Variants in KIRREL3 observed in about 807,000 individuals in gnomAD.
KIRREL3 encodes kin of IRRE-like protein 3.
In KIRREL3, 36 loss-of-function variants were observed where a neutral mutation model predicts 89.7. The observed-to-expected ratio is 0.40, with a 90% CI of 0.31 to 0.53. The LOEUF is 0.53. Ranked by LOEUF, KIRREL3 falls within the 20% of genes least tolerant of loss-of-function variation. The pLI is 0.49. For synonymous variants in KIRREL3, 445 were observed against 441.4 expected, an observed-to-expected ratio of 1.01 and a Z score of -0.10; for missense variants, 864 against 1,056.6, an observed-to-expected ratio of 0.82 and a Z score of 2.53.
At chr11:126,721,006 C>A (rs898605646) in intron 1 of KIRREL3, among the ~76,000 whole-genome samples, 1 of 152,144 alleles carries the variant, frequency 6.6e-6, no homozygotes, top group Non-Finnish European at 1.5e-5. Flanking sequence ...AGGGAAGAAG[C>A]TAATTGGGCA....
chr11:126,613,893 T>TTTTTTTTTTTTTTTTTTTTTG (rs371748740), intron 1 of KIRREL3, among the ~76,000 whole-genome samples: 12 of 118,644 alleles, frequency 1.0e-4, no homozygotes, highest in South Asian at 2.5e-4. Context: ...TTTTTTTTTT[T>TTTTTTTTTTTTTTTTTTTTTG]ATTTTTTTCC....
chr11:126,621,494 G>A (rs900279722), intron 1 of KIRREL3, among the ~76,000 whole-genome samples: 1 of 152,214 alleles, frequency 6.6e-6, no homozygotes, highest in African/African-American at 2.4e-5. Context: ...TATCTTAAAA[G>A]CGTGTGAGAG....
Position 126,955,415 on chromosome 11 carries a change from C to T in KIRREL3, c.55+45040G>A, listed in dbSNP as rs932853134. 6.6e-6 allele frequency among the ~76,000 whole-genome samples: 1 copy of T among 152,168 alleles called. No homozygotes were observed. The highest frequency in any genetic ancestry group is 1.5e-5 in the Non-Finnish European group (1 of 68,034). ...CATTAACAGATTTACTCACCCAAGC[C>T]AAGGAAAGTGCTTTGGAAGAAATGC... On this transcript the variant is annotated intron_variant, in intron 1 of 16. Transcript: ENST00000525144. The surrounding 1 kb of genome is among the most constrained non-coding windows in gnomAD (Gnocchi z 4.6).
chr11:126,465,172 G>A (rs1471389954), intron 5 of KIRREL3, among the ~76,000 whole-genome samples: 2 of 152,128 alleles, frequency 1.3e-5, no homozygotes, highest in Non-Finnish European at 2.9e-5. Context: ...CACTATGGGT[G>A]CAGTCCTGTT....
At chr11:126,840,285 C>T (rs1039178533) in intron 1 of KIRREL3, among the ~76,000 whole-genome samples, 2 of 152,152 alleles carry the variant, frequency 1.3e-5, no homozygotes, top group Non-Finnish European at 2.9e-5. Context: ...GTAGGAAGCT[C>T]ATGAGCATAA....
Position 126,883,988 on chromosome 11 carries a change from G to A in KIRREL3, c.55+116467C>T, listed in dbSNP as rs1020916578. On this transcript the variant is annotated intron_variant, in intron 1 of 16. Coordinates refer to ENST00000525144, the MANE Select transcript of KIRREL3 (RefSeq NM_032531.4). The surrounding 1 kb of genome is among the most constrained non-coding windows in gnomAD (Gnocchi z 4.1). ...TGTTCCTGCAGGTATTAAAGTGGAG[G>A]GTGACTGGCCACCCGGGGAGATTGA... Among the ~76,000 whole-genome samples the A allele has an allele frequency of 2.9e-4, 44 of 152,138 alleles. No homozygotes were observed. Among genetic ancestry groups the A allele is most frequent in the African/African-American group, 8.9e-4 (37 of 41,428 alleles).
intron 1 of KIRREL3, among the ~76,000 whole-genome samples, chr11:126,815,572 C>T (rs1057152287): frequency 4.6e-5 from 7 of 152,124 alleles, no homozygotes; most frequent in Admixed American, 3.3e-4. Flanking sequence ...CTCCCTCTGT[C>T]GCCCAGGCTG....
Position 126,837,792 on chromosome 11 carries a change from T to TATTTC in KIRREL3, c.55+162658_55+162662dup, listed in dbSNP as rs1212616140. Among the ~76,000 whole-genome samples, 2 of 152,234 alleles carry TATTTC rather than the reference T, an allele frequency of 1.3e-5. No individual in the cohort carries two copies. Among genetic ancestry groups the TATTTC allele is most frequent in the African/African-American group, 4.8e-5 (2 of 41,452 alleles). ...TACCTCTCACAATGGAAGCTTTGTT[T>TATTTC]ATTTCACATGGGACAGCAACTTGCT... is the stretch of plus-strand genomic sequence containing the variant. On this transcript the variant is annotated intron_variant, in intron 1 of 16. Coordinates refer to ENST00000525144, the MANE Select transcript of KIRREL3 (RefSeq NM_032531.4). The surrounding 1 kb of genome is among the most constrained non-coding windows in gnomAD (Gnocchi z 4.7).
In KIRREL3 at chr11:126,521,422, TC is replaced by T; in HGVS notation, c.325del (p.Glu109SerfsTer4). The T allele has an allele frequency of 6.3e-7, 1 of 1,577,200 alleles. No individual in the cohort carries two copies. Among genetic ancestry groups the T allele is most frequent in the Non-Finnish European group, 8.6e-7 (1 of 1,161,376 alleles). On this transcript the variant is annotated frameshift_variant, in exon 4 of 17. Coordinates refer to ENST00000525144, the MANE Select transcript of KIRREL3 (RefSeq NM_032531.4). LOFTEE classifies it high-confidence loss of function. This position sits in a 1 kb window ranked among gnomAD's most constrained non-coding sequence, Gnocchi z 4.1. Reference sequence around the variant, plus strand: ...TGCCCTCAGGATCTTCAGGTGGTGCTCCCCTGACAGGTGGTTCCCTACCACC... The same window carrying T: ...TGCCCTCAGGATCTTCAGGTGGTGCTCCCTGACAGGTGGTTCCCTACCACC... ...YLVVGNHLSG[E>X]HHLKILRAEL...
intron 4 of KIRREL3, among the ~76,000 whole-genome samples, chr11:126,511,791 G>T (rs1409160676): frequency 6.6e-6 from 1 of 152,244 alleles, no homozygotes; most frequent in South Asian, 2.1e-4. Context: ...CTCATTTCAT[G>T]CTGTAATGGA....
chr11:126,678,055 G>C (rs911065193), intron 1 of KIRREL3, among the ~76,000 whole-genome samples: 8 of 152,096 alleles, frequency 5.3e-5, no homozygotes, highest in African/African-American at 1.4e-4. Flanking sequence ...AAAGGATAAG[G>C]CATATTTTTT....
In KIRREL3 at chr11:126,912,977, C is replaced by T. The variant is rs1042775786; in HGVS notation, c.55+87478G>A. On this transcript the variant is annotated intron_variant, in intron 1 of 16. Coordinates refer to ENST00000525144, the MANE Select transcript of KIRREL3 (RefSeq NM_032531.4). This position sits in a 1 kb window ranked among gnomAD's most constrained non-coding sequence, Gnocchi z 4.7. ...CAAGAGAGGAAATGCCTTAAGGAAC[C>T]ACGAGATCCCTTGAAGAGACTCAGC... 2.0e-5 allele frequency among the ~76,000 whole-genome samples: 3 copies of T among 152,164 alleles called. No homozygotes were observed. The highest frequency in any genetic ancestry group is 4.4e-5 in the Non-Finnish European group (3 of 68,024).
At chr11:126,728,376 G>C (rs1565683085) in intron 1 of KIRREL3, among the ~76,000 whole-genome samples, 1 of 152,168 alleles carries the variant, frequency 6.6e-6, no homozygotes, top group South Asian at 2.1e-4. Context: ...CTGTGCATGA[G>C]AGTGTGTGTC....
rs1469728835 is a variant in KIRREL3 at position 126,903,183 on chromosome 11, T to A, written c.55+97272A>T. ...TTAAGAAATTATTATAGAAAAATGC[T>A]GGAAGCCTTGTAGTCATCTTTGCTA... On this transcript the variant is annotated intron_variant, in intron 1 of 16. Coordinates refer to ENST00000525144, the MANE Select transcript of KIRREL3 (RefSeq NM_032531.4). This position sits in a 1 kb window ranked among gnomAD's most constrained non-coding sequence, Gnocchi z 4.5. Among the ~76,000 whole-genome samples the A allele has an allele frequency of 6.6e-6, 1 of 152,230 alleles. No homozygotes were observed. Among genetic ancestry groups the A allele is most frequent in the African/African-American group, 2.4e-5 (1 of 41,468 alleles).
In KIRREL3 at chr11:126,747,907, C is replaced by T. The variant is rs752326151; in HGVS notation, c.56-184995G>A. 2.6e-5 allele frequency among the ~76,000 whole-genome samples: 4 copies of T among 152,120 alleles called. No individual in the cohort carries two copies. The highest frequency in any genetic ancestry group is 2.1e-4 in the South Asian group (1 of 4,826). ...AAGACTCCCCTCCAGACAGGCGTTGCGGTCTTTCCCTATCCCACAGGGTCT... is the reference window on the plus strand; with the variant it reads ...AAGACTCCCCTCCAGACAGGCGTTGTGGTCTTTCCCTATCCCACAGGGTCT... On this transcript the variant is annotated intron_variant, in intron 1 of 16. Transcript: ENST00000525144. This position sits in a 1 kb window ranked among gnomAD's most constrained non-coding sequence, Gnocchi z 4.7.
chr11:126,497,749 G>C (rs1435508994), intron 4 of KIRREL3, among the ~76,000 whole-genome samples: 1 of 152,218 alleles, frequency 6.6e-6, no homozygotes, highest in Non-Finnish European at 1.5e-5. Flanking sequence ...ATGGATGCAT[G>C]CCTACTAATG....
intron 1 of KIRREL3, among the ~76,000 whole-genome samples, chr11:126,899,242 A>T (rs945145106): frequency 6.6e-6 from 1 of 152,116 alleles, no homozygotes; most frequent in African/African-American, 2.4e-5. Flanking sequence ...TCACCTGGAG[A>T]GGCTGATCAA....
chr11:126,603,637 C>A (rs1942759746), intron 1 of KIRREL3, among the ~76,000 whole-genome samples: 1 of 152,272 alleles, frequency 6.6e-6, no homozygotes. Context: ...TGGAGCCACG[C>A]CTCAGTGCCC....
rs1940817154 is a variant in KIRREL3, at chr11:126,570,154, T to A, written c.56-7242A>T. Among the ~76,000 whole-genome samples the A allele has an allele frequency of 6.6e-6, 1 of 152,190 alleles. No homozygotes were observed. Among genetic ancestry groups the A allele is most frequent in the Non-Finnish European group, 1.5e-5 (1 of 68,034 alleles). ...AATGTTTAATTAGCCCAATAATACC[T>A]GTTTTATAATTTTTGGATCTCATTG... is the stretch of plus-strand genomic sequence containing the variant. On this transcript the variant is annotated intron_variant, in intron 1 of 16. Coordinates refer to ENST00000525144, the MANE Select transcript of KIRREL3 (RefSeq NM_032531.4). This position sits in a 1 kb window ranked among gnomAD's most constrained non-coding sequence, Gnocchi z 6.1.
Sources: allele counts gnomAD v4.1 joint callset (sites outside exome capture counted in the v4.1 genomes callset), GRCh38; gene constraint gnomAD v4.1.1; non-coding constraint Gnocchi (gnomAD v3.1); transcripts MANE v1.5; gene names NCBI Gene and HGNC (gene_info 2026-07-23, HGNC 2026-07-21).